Variants in RAG1 observed in about 807,000 individuals in gnomAD.
RAG1 encodes the protein V(D)J recombination-activating protein 1.
In RAG1, 35 loss-of-function variants were observed where a neutral mutation model predicts 62.7. The ratio of observed to expected loss-of-function variants is 0.56; its 90% confidence interval spans 0.43 to 0.74. RAG1 has a LOEUF of 0.74. Among genes scored for constraint, RAG1 ranks in the 30% least tolerant of loss-of-function variants. The pLI is 0.00. For synonymous variants in RAG1, 461 were observed against 470.3 expected (o/e 0.98, Z 0.26); for missense variants, 1,169 against 1,278.6 (o/e 0.91, Z 1.31).
upstream of RAG1, among the ~76,000 whole-genome samples, chr11:36,566,939 G>C (rs1160669766): frequency 1.3e-5 from 2 of 152,194 alleles, no homozygotes; most frequent in African/African-American, 4.8e-5. Flanking sequence ...GACAGTTTTT[G>C]CTGAGAATCA....
intron 2 of RAG1, among the ~76,000 whole-genome samples, chr11:36,530,658 T>C (rs966007785): frequency 2.0e-5 from 3 of 152,034 alleles, no homozygotes; most frequent in African/African-American, 7.2e-5. Flanking sequence ...TATTGATTTC[T>C]AGTTTAACTT....
intron 2 of RAG1, among the ~76,000 whole-genome samples, chr11:36,526,678 A>G (rs963637166): frequency 7.2e-5 from 11 of 152,146 alleles, no homozygotes; most frequent in Non-Finnish European, 1.5e-4. Context: ...CAATGGTTGA[A>G]CTAATCTACA....
At chr11:36,564,924 A>G (rs1850640127), upstream of RAG1, among the ~76,000 whole-genome samples, 3 of 152,148 alleles carry the variant, frequency 2.0e-5, no homozygotes, top group Non-Finnish European at 1.5e-5. Flanking sequence ...TTTTCAGTGT[A>G]GTGGAAAGAA....
chr11:36,519,345 A>T (rs2133693637), intron 1 of RAG1, among the ~76,000 whole-genome samples: 1 of 152,326 alleles, frequency 6.6e-6, no homozygotes, highest in East Asian at 1.9e-4. Flanking sequence ...TAGACATTGG[A>T]ACACAGTTGG....
At chr11:36,518,596 G>A (rs564284676) in intron 1 of RAG1, among the ~76,000 whole-genome samples, 2 of 152,210 alleles carry the variant, frequency 1.3e-5, no homozygotes, top group South Asian at 2.1e-4. Flanking sequence ...GGCCAGTGAT[G>A]ATGAGCATTT....
chr11:36,578,703 T>A lies in RAG1; in HGVS notation c.*2267T>A. Reference sequence around the variant, plus strand: ...CACATTTTGATAAACCCTGGGAACATCTGGCTGCAGGAATTTCAATATGTA... The same window carrying A: ...CACATTTTGATAAACCCTGGGAACAACTGGCTGCAGGAATTTCAATATGTA... On this transcript the variant is annotated 3_prime_UTR_variant, in exon 2 of 2. Coordinates refer to ENST00000299440, the MANE Select transcript of RAG1 (RefSeq NM_000448.3). 1 of 167,080 alleles carries A rather than the reference T, an allele frequency of 6.0e-6. No individual in the cohort carries two copies. Among genetic ancestry groups the A allele is most frequent in the East Asian group, 1.9e-4 (1 of 5,202 alleles). 10.3% of individuals were successfully genotyped at this position (167,080 alleles called of 1,614,324 possible).
In RAG1 at chr11:36,533,570, T is replaced by C. The variant is rs572863349; in HGVS notation, n.429-2389T>C. The stretch of plus-strand genomic sequence containing the variant: ...AGGCAACCAAATGGAAGAAGAATAA[T>C]GATAATTTTGTCTCTTCCTTTTCAT... On this transcript the variant is annotated intron_variant and non_coding_transcript_variant, in intron 2 of 2. Transcript: ENST00000529126. Among the ~76,000 whole-genome samples the C allele has an allele frequency of 3.3e-5, 5 of 151,488 alleles. No individual in the cohort carries two copies. The East Asian group carries it at 9.6e-4, about 29-fold the overall frequency.
chr11:36,547,746 A>G (rs1278101850), intron 3 of RAG1, among the ~76,000 whole-genome samples: 1 of 152,228 alleles, frequency 6.6e-6, no homozygotes, highest in Admixed American at 6.5e-5. Context: ...AACAATAGAA[A>G]AAGAGGGAAT....
intron 3 of RAG1, among the ~76,000 whole-genome samples, chr11:36,558,778 T>C (rs1300460102): frequency 1.3e-5 from 2 of 152,220 alleles, no homozygotes; most frequent in Non-Finnish European, 2.9e-5. Context: ...ATGTTATTAT[T>C]GATAGGTGAG....
downstream of RAG1, among the ~76,000 whole-genome samples, chr11:36,538,586 C>A (rs1860367435): frequency 6.6e-6 from 1 of 152,170 alleles, no homozygotes; most frequent in South Asian, 2.1e-4. Context: ...TTGAACTCAG[C>A]ATAAATCTTA....
rs547202392 is a variant in RAG1 at position 36,542,657 on chromosome 11, A to G, written c.-412+6623A>G. Among the ~76,000 whole-genome samples, 2 of 152,286 alleles carry G rather than the reference A, an allele frequency of 1.3e-5. 1 individual carries two copies. Among genetic ancestry groups the G allele is most frequent in the African/African-American group, 4.8e-5 (2 of 41,572 alleles). ...CAGGGAGAAGAACAGTGAGAGGAGA[A>G]TTGGGAGTGTGGCCTCCGAGGCATT... On this transcript the variant is annotated intron_variant and NMD_transcript_variant, in intron 3 of 9. Transcript: ENST00000534663.
downstream of RAG1, among the ~76,000 whole-genome samples, chr11:36,539,207 A>G (rs1470168522): frequency 6.6e-6 from 1 of 152,156 alleles, no homozygotes; most frequent in African/African-American, 2.4e-5. Flanking sequence ...AAAGAGAAAC[A>G]CCACCAGGGA....
intron 2 of RAG1, among the ~76,000 whole-genome samples, chr11:36,526,348 C>T (rs1334825193): frequency 6.6e-6 from 1 of 150,468 alleles, no homozygotes; most frequent in East Asian, 2.0e-4. Context: ...GTTTTCTGTC[C>T]TTGTGATAGT....
At chr11:36,570,831 T>C (rs1024774475) in intron 1 of RAG1, among the ~76,000 whole-genome samples, 1 of 152,236 alleles carries the variant, frequency 6.6e-6, no homozygotes, top group African/African-American at 2.4e-5. Context: ...CTTTGAGAAA[T>C]GTCTATTCAG....
rs1236694281 is a variant in RAG1 at position 36,576,935 on chromosome 11, C to G, written c.*499C>G. ...ATATCTTGGCTTGCTATATAAGATT[C>G]AAAAGAGCTTTTTAAATTTTTCTAA... On this transcript the variant is annotated 3_prime_UTR_variant, in exon 2 of 2. Transcript: ENST00000299440. 5.7e-6 allele frequency: 1 copy of G among 175,720 alleles called. No homozygotes were observed. The highest frequency in any genetic ancestry group is 5.7e-5 in the Admixed American group (1 of 17,518). 10.9% of individuals were successfully genotyped at this position (175,720 alleles called of 1,614,324 possible).
rs1292819032 is a variant in RAG1 at position 36,574,510 on chromosome 11, G to A, written c.1206G>A (p.Leu402=). The change falls in exon 2 of 2, where the codon CTG becomes CTA. Residue 402 remains leucine (L), a synonymous_variant. Transcript: ENST00000299440. ...GGRPRQHLLS[L]TRRAQKHRLR... Reference sequence around the variant, plus strand: ...GGCCCCGCCAACATCTTCTGTCGCTGACTCGGAGAGCTCAGAAGCACCGGC... The same window carrying A: ...GGCCCCGCCAACATCTTCTGTCGCTAACTCGGAGAGCTCAGAAGCACCGGC... 1.2e-6 allele frequency: 2 copies of A among 1,614,230 alleles called. No homozygotes were observed. The highest frequency in any genetic ancestry group is 1.7e-6 in the Non-Finnish European group (2 of 1,180,046).
chr11:36,520,265 T>A (rs1238083880), intron 2 of RAG1: 1 of 152,276 alleles, frequency 6.6e-6, no homozygotes, highest in Non-Finnish European at 1.5e-5. Context: ...TAAAGGCTAT[T>A]TATTTTTTAA....
chr11:36,549,591 C>A (rs186342769), intron 3 of RAG1, among the ~76,000 whole-genome samples: 1 of 152,108 alleles, frequency 6.6e-6, no homozygotes, highest in Non-Finnish European at 1.5e-5. Flanking sequence ...GTTAGAATGG[C>A]GATCATTAAA....
At chr11:36,572,709 A>G (rs950736035) in intron 1 of RAG1, among the ~76,000 whole-genome samples, 48 of 152,222 alleles carry the variant, frequency 3.2e-4, no homozygotes, top group African/African-American at 1.1e-3. Context: ...TTGCATTCAT[A>G]AAGCTCAAAA....
Sources: allele counts gnomAD v4.1 joint callset (sites outside exome capture counted in the v4.1 genomes callset), GRCh38; gene constraint gnomAD v4.1.1; transcripts MANE v1.5; gene names NCBI Gene and HGNC (gene_info 2026-07-23, HGNC 2026-07-21).